Variants in AGBL1 observed in about 807,000 individuals in gnomAD.
AGBL1 encodes cytosolic carboxypeptidase 4.
A neutral mutation model predicts 118.9 loss-of-function variants in AGBL1; 130 were observed. The observed-to-expected ratio is 1.09, with a 90% CI of 0.95 to 1.26. The LOEUF is 1.26. AGBL1 is among the 50% of genes most tolerant of loss of function. AGBL1 has a pLI of 0.00. For synonymous variants in AGBL1, 555 were observed against 478.9 expected (o/e 1.16, Z -2.08); for missense variants, 1,584 against 1,298.1 (o/e 1.22, Z -3.38).
intron 17 of AGBL1, among the ~76,000 whole-genome samples, chr15:86,300,781 T>C (rs2079733166): frequency 6.6e-6 from 1 of 152,208 alleles, no homozygotes; most frequent in African/African-American, 2.4e-5. Context: ...TTTCTTTTTC[T>C]TTTTCTTAAA....
At chr15:86,392,418 G>A (rs546046482) in intron 17 of AGBL1, among the ~76,000 whole-genome samples, 2 of 152,270 alleles carry the variant, frequency 1.3e-5, no homozygotes, top group South Asian at 4.1e-4. Flanking sequence ...ATATCCTGAT[G>A]AATGTCCCTG....
chr15:86,835,320 G>A (rs2079156646), intron 22 of AGBL1, among the ~76,000 whole-genome samples: 5 of 152,104 alleles, frequency 3.3e-5, no homozygotes, highest in Admixed American at 3.3e-4. Context: ...TCTAGTTGCT[G>A]AAAACAGTTG....
chr15:86,777,794 C>T (rs1195906125), intron 22 of AGBL1, among the ~76,000 whole-genome samples: 1 of 152,014 alleles, frequency 6.6e-6, no homozygotes, highest in South Asian at 2.1e-4. Flanking sequence ...TAATTTTTAT[C>T]CACATTTAAC....
At chr15:86,552,062 C>G (rs1217147463) in intron 20 of AGBL1, among the ~76,000 whole-genome samples, 1 of 152,110 alleles carries the variant, frequency 6.6e-6, no homozygotes, top group Non-Finnish European at 1.5e-5. Flanking sequence ...ATTGAGTACA[C>G]ATCATTATAC....
chr15:86,676,402 A>C (rs2085847643), intron 22 of AGBL1, among the ~76,000 whole-genome samples: 1 of 152,182 alleles, frequency 6.6e-6, no homozygotes, highest in Non-Finnish European at 1.5e-5. Flanking sequence ...TCTTGACCCC[A>C]AAAATGTTCC....
intron 22 of AGBL1, among the ~76,000 whole-genome samples, chr15:86,736,574 TG>T (rs1362104954): frequency 6.6e-6 from 1 of 152,180 alleles, no homozygotes; most frequent in African/African-American, 2.4e-5. Context: ...GTGATGTCAC[TG>T]GCATTCAAGG....
At chr15:86,101,412 TTTTG>T (rs1020186297) in intron 1 of AGBL1, among the ~76,000 whole-genome samples, 3 of 152,172 alleles carry the variant, frequency 2.0e-5, no homozygotes, top group Non-Finnish European at 4.4e-5. Context: ...TGGTTTTTTT[TTTTG>T]TTGTTGTTAA....
chr15:86,692,177 C>CAAAAACA (rs899110019), intron 22 of AGBL1, among the ~76,000 whole-genome samples: 3 of 151,794 alleles, frequency 2.0e-5, no homozygotes, highest in South Asian at 4.2e-4. Context: ...GACTCCATCT[C>CAAAAACA]AAAAACAAAA....
rs192374800 is a variant in AGBL1, at chr15:86,851,444, T to C, written c.3159-55643T>C. ...CACCTGGTCAAGAACACAGCATCAT[T>C]GCTCTTCCCTGGGCATTGAGAACAG... On this transcript the variant is annotated intron_variant, in intron 22 of 22. Coordinates refer to ENST00000614907, the MANE Select transcript of AGBL1 (RefSeq NM_001386094.1). Among the ~76,000 whole-genome samples the C allele has an allele frequency of 1.4e-3, 208 of 152,300 alleles. 2 individuals carry two copies. Among genetic ancestry groups the C allele is most frequent in the African/African-American group, 4.7e-3 (197 of 41,562 alleles).
intron 18 of AGBL1, among the ~76,000 whole-genome samples, chr15:86,491,558 GATAATT>G (rs1234135146): frequency 2.0e-5 from 3 of 152,084 alleles, no homozygotes; most frequent in African/African-American, 7.2e-5. Context: ...AAAGTTAAGA[GATAATT>G]CTTACAGCTT....
intron 21 of AGBL1, among the ~76,000 whole-genome samples, chr15:86,589,620 G>A (rs1372851054): frequency 2.0e-5 from 3 of 152,088 alleles, no homozygotes; most frequent in African/African-American, 4.8e-5. Context: ...TTTTGCCTCC[G>A]GATGGCTTGC....
chr15:86,250,463 T>G (rs548015019), intron 7 of AGBL1, among the ~76,000 whole-genome samples: 24 of 133,312 alleles, frequency 1.8e-4, no homozygotes, highest in African/African-American at 6.8e-4. Flanking sequence ...GAAGTGGAGG[T>G]TGCGATGAGT....
At chr15:86,468,176 T>C (rs1047989006) in intron 18 of AGBL1, among the ~76,000 whole-genome samples, 6 of 152,026 alleles carry the variant, frequency 3.9e-5, no homozygotes, top group African/African-American at 1.4e-4. Flanking sequence ...TGAAGAAAAA[T>C]TGCATGTCTG....
chr15:86,887,540 G>A (rs887102074), intron 22 of AGBL1, among the ~76,000 whole-genome samples: 1 of 152,172 alleles, frequency 6.6e-6, no homozygotes, highest in Non-Finnish European at 1.5e-5. Context: ...AGCATGTACA[G>A]GCATTATGAG....
At chr15:86,226,513 G>A (rs2078366387) in intron 6 of AGBL1, among the ~76,000 whole-genome samples, 1 of 152,182 alleles carries the variant, frequency 6.6e-6, no homozygotes, top group Non-Finnish European at 1.5e-5. Context: ...TGAGCTTACG[G>A]TTGAGCATCC....
chr15:86,140,025 C>A, intron 1 of AGBL1: 1 of 175,372 alleles, frequency 5.7e-6, no homozygotes, highest in Non-Finnish European at 1.2e-5. Context: ...TGTGGAGAGC[C>A]CCTGTCTGGG....
chr15:86,231,295 C>T (rs1257352541), intron 6 of AGBL1, among the ~76,000 whole-genome samples: 1 of 152,276 alleles, frequency 6.6e-6, no homozygotes, highest in Admixed American at 6.5e-5. Context: ...TTCCAGGTTC[C>T]TGACTTTAGC....
intron 22 of AGBL1, among the ~76,000 whole-genome samples, chr15:86,846,110 C>T (rs892419270): frequency 1.3e-5 from 2 of 152,040 alleles, no homozygotes; most frequent in Admixed American, 6.6e-5. Context: ...TTTTCTTTTC[C>T]TTTTTGTCTC....
chr15:86,827,471 ATATATATATATATGTGTG>A (rs1567194929), intron 22 of AGBL1, among the ~76,000 whole-genome samples: 135 of 10,742 alleles, frequency 0.013, 2 homozygotes, highest in African/African-American at 0.039. Flanking sequence ...ATATATATAC[ATATATATATATATGTGTG>A]TATATATATA....
Sources: gnomAD v4.1 joint callset for allele counts (sites outside exome capture counted in the v4.1 genomes callset) on GRCh38, gnomAD v4.1.1 for gene constraint, MANE v1.5 for transcripts, NCBI Gene and HGNC (gene_info 2026-07-23, HGNC 2026-07-21) for gene names.